Variants in SLC41A3 observed in about 807,000 individuals in gnomAD.
SLC41A3 encodes the protein SLC41A1-like 2.
A neutral mutation model predicts 45.4 loss-of-function variants in SLC41A3; 44 were observed. That is an observed-to-expected ratio of 0.97 (90% CI 0.76 to 1.25). The LOEUF is 1.25. SLC41A3 is among the 50% of genes most tolerant of loss of function. SLC41A3 has a pLI of 0.00. For missense variants in SLC41A3, 550 were observed against 600.6 expected (o/e 0.92, Z 0.88); for synonymous variants, 256 against 252.4 (o/e 1.01, Z -0.13).
intron 4 of SLC41A3, among the ~76,000 whole-genome samples, chr3:126,031,262 A>T (rs182101364): frequency 6.6e-6 from 1 of 152,360 alleles, no homozygotes; most frequent in East Asian, 1.9e-4. Flanking sequence ...TAATACTAAG[A>T]AATAAAATAA....
chr3:126,058,708 G>T (rs1488141002), intron 2 of SLC41A3, among the ~76,000 whole-genome samples: 2 of 152,222 alleles, frequency 1.3e-5, no homozygotes, highest in Non-Finnish European at 2.9e-5. Flanking sequence ...ACAGTGTGTG[G>T]TCAACACACT....
chr3:126,022,591 A>G (rs1162567201), intron 6 of SLC41A3, among the ~76,000 whole-genome samples, 195 bp downstream of exon 6: 1 of 152,196 alleles, frequency 6.6e-6, no homozygotes, highest in Non-Finnish European at 1.5e-5. Flanking sequence ...CATTAATTCA[A>G]TCACCTTTTA....
rs1307951524 is a variant in SLC41A3 at position 126,022,776 on chromosome 3, C to T, written c.745+10G>A. On this transcript the variant is annotated intron_variant, in intron 6 of 10. Transcript: ENST00000360370. ...GAGCCTTTGTGTCTATAGAAGAAGA[C>T]ACTCTTTACCTTTGTGTCTGTAGAA... 4 of 1,614,066 alleles carry T rather than the reference C, an allele frequency of 2.5e-6. No homozygotes were observed. Among genetic ancestry groups the T allele is most frequent in the Non-Finnish European group, 3.4e-6 (4 of 1,179,958 alleles).
Position 126,068,212 on chromosome 3 carries a change from C to G in SLC41A3, c.8G>C (p.Gly3Ala). 1 of 1,537,798 alleles carries G rather than the reference C, an allele frequency of 6.5e-7. No homozygotes were observed. Among genetic ancestry groups the G allele is most frequent in the Non-Finnish European group, 8.7e-7 (1 of 1,144,600 alleles). Residue 3 changes from glycine (G) to alanine (A), a missense_variant, in exon 2 of 11, where the codon GGG becomes GCG. Coordinates refer to ENST00000360370, the MANE Select transcript of SLC41A3 (RefSeq NM_017836.4). MD[G>A]TETRQRRLDS... ...CAGCCTCCGCTGCCGGGTCTCTGTC[C>G]CATCCATCTGGGCACAGCTGGGCGC...
At position 126,008,884 on chromosome 3, in the gene SLC41A3, A is replaced by G. The variant is rs1390224218; in HGVS notation, c.1106-4T>C. On this transcript the variant is annotated splice_polypyrimidine_tract_variant and splice_region_variant and intron_variant, in intron 9 of 10. Coordinates refer to ENST00000360370, the MANE Select transcript of SLC41A3 (RefSeq NM_017836.4). ...CGAGCTGACATGGAATTGATTTCTG[A>G]AAGAAACAGAACCAAGAAGGTCATG... The G allele has an allele frequency of 3.1e-6, 5 of 1,613,826 alleles. 1 individual carries two copies. The South Asian group carries it at 5.5e-5, about 18-fold the overall frequency.
At chr3:126,093,615 T>G (rs1218875055) in intron 1 of SLC41A3, among the ~76,000 whole-genome samples, 3 of 152,232 alleles carry the variant, frequency 2.0e-5, no homozygotes, top group African/African-American at 7.2e-5. Context: ...TTAAAAGGGG[T>G]ACAAATACAA....
intron 1 of SLC41A3, among the ~76,000 whole-genome samples, chr3:126,074,680 G>GT (rs922179725): frequency 0.027 from 4,052 of 148,368 alleles, 74 homozygotes; most frequent in Non-Finnish European, 0.036. Context: ...TTTGGTTGTT[G>GT]TTTTTTTTTT....
chr3:126,091,521 G>A (rs1292341702), intron 1 of SLC41A3, among the ~76,000 whole-genome samples: 1 of 152,172 alleles, frequency 6.6e-6, no homozygotes, highest in African/African-American at 2.4e-5. Flanking sequence ...TGAAGACCTG[G>A]AATCAACAGA....
intron 3 of SLC41A3, among the ~76,000 whole-genome samples, chr3:126,042,318 G>A (rs1942647906): frequency 6.6e-6 from 1 of 152,124 alleles, no homozygotes; most frequent in Admixed American, 6.5e-5. Context: ...CCATGTATAT[G>A]GGGGAATTGG....
In SLC41A3 at chr3:126,012,619, C is replaced by T. The variant is rs763897165; in HGVS notation, c.1101G>A (p.Thr367=). Residue 367 remains threonine (T), a synonymous_variant, in exon 9 of 11, where the codon ACG becomes ACA. Coordinates refer to ENST00000360370, the MANE Select transcript of SLC41A3 (RefSeq NM_017836.4). ...FWPNPCSTFC[T]SEINSMSARV... is the part of the protein sequence containing the mutation. ...TCTGAAAGACATGACACCCACCTGACGTGCAGAAAGTAGAACACGGGTTGG... is the reference window on the plus strand; with the variant it reads ...TCTGAAAGACATGACACCCACCTGATGTGCAGAAAGTAGAACACGGGTTGG... The T allele has an allele frequency of 8.7e-6, 14 of 1,613,988 alleles. No homozygotes were observed. Among genetic ancestry groups the T allele is most frequent in the East Asian group, 2.2e-5 (1 of 44,896 alleles).
intron 2 of SLC41A3, chr3:126,056,471 G>C (rs1198220488): frequency 6.2e-7 from 1 of 1,614,080 alleles, no homozygotes; most frequent in African/African-American, 1.3e-5. Context: ...ACCCCATGTG[G>C]GGACCGGGTA....
chr3:126,064,484 G>C (rs891911726), intron 2 of SLC41A3, among the ~76,000 whole-genome samples: 12 of 152,098 alleles, frequency 7.9e-5, no homozygotes, highest in African/African-American at 2.4e-4. Flanking sequence ...ACTGGTATGA[G>C]GACTAACAAA....
chr3:126,094,476 GAAAA>G (rs1168707581), intron 1 of SLC41A3, among the ~76,000 whole-genome samples: 1 of 152,002 alleles, frequency 6.6e-6, no homozygotes, highest in Non-Finnish European at 1.5e-5. Flanking sequence ...TCGTAATTAA[GAAAA>G]AAATCAGGTA....
intron 4 of SLC41A3, among the ~76,000 whole-genome samples, chr3:126,028,541 C>A (rs375811521): frequency 2.1e-3 from 322 of 152,382 alleles, no homozygotes; most frequent in African/African-American, 7.5e-3. Context: ...GCTGCAGGGG[C>A]ACAGCCCTCA....
At chr3:126,016,072 C>G (rs1940247189) in intron 7 of SLC41A3, among the ~76,000 whole-genome samples, 1 of 152,196 alleles carries the variant, frequency 6.6e-6, no homozygotes, top group Non-Finnish European at 1.5e-5. Context: ...TATAAGGAGC[C>G]CAGGAGCCTC....
At position 126,008,821 on chromosome 3, in the gene SLC41A3, A is replaced by G; in HGVS notation, c.1165T>C (p.Phe389Leu). The G allele has an allele frequency of 1.2e-6, 2 of 1,614,172 alleles. No homozygotes were observed. The highest frequency in any genetic ancestry group is 1.7e-6 in the Non-Finnish European group (2 of 1,180,016). Residue 389 changes from phenylalanine (F) to leucine (L), a missense_variant, in exon 10 of 11, where the codon TTC becomes CTC. Coordinates refer to ENST00000360370, the MANE Select transcript of SLC41A3 (RefSeq NM_017836.4). The stretch of plus-strand genomic sequence containing the variant: ...TCCACCAGGTAGATGATGTAGAAGA[A>G]AATCAGATGGCCTGGGACCACCAGC... The part of the protein sequence containing the change: ...LLLVVPGHLI[F>L]FYIIYLVEGQ...
chr3:126,086,408 GTT>G (rs57316346), upstream of SLC41A3, among the ~76,000 whole-genome samples: 89 of 21,168 alleles, frequency 4.2e-3, 1 homozygote, highest in African/African-American at 0.01. Context: ...TTGTTTTCTT[GTT>G]TTTTTTTTTT....
chr3:126,071,726 A>C (rs1411599766), intron 1 of SLC41A3, among the ~76,000 whole-genome samples: 1 of 152,094 alleles, frequency 6.6e-6, no homozygotes, highest in Admixed American at 6.5e-5. Context: ...GAAATCAATA[A>C]CAGAAGGACA....
intron 4 of SLC41A3, among the ~76,000 whole-genome samples, chr3:126,033,401 G>A (rs1228358161): frequency 6.7e-6 from 1 of 148,732 alleles, no homozygotes; most frequent in Non-Finnish European, 1.5e-5. Context: ...AAGCTGGAGG[G>A]ACAACCCTGG....
Sources: allele counts gnomAD v4.1 joint callset (sites outside exome capture counted in the v4.1 genomes callset), GRCh38; gene constraint gnomAD v4.1.1; transcripts MANE v1.5; gene names NCBI Gene and HGNC (gene_info 2026-07-23, HGNC 2026-07-21).